GRIK2: variants seen among roughly 807,000 people sequenced by gnomAD.
GRIK2 encodes glutamate ionotropic receptor kainate type subunit 2.
GRIK2 carries 32 observed loss-of-function variants against 100.3 expected under a neutral mutation model. The observed-to-expected ratio is 0.32, with a 90% CI of 0.24 to 0.43. GRIK2 has a LOEUF of 0.43. GRIK2 is among the 20% of genes least tolerant of loss of function. GRIK2 has a pLI of 1.00. For missense variants in GRIK2, 843 were observed against 1,114.9 expected, an observed-to-expected ratio of 0.76 and a Z score of 3.47; for synonymous variants, 417 against 389.4, an observed-to-expected ratio of 1.07 and a Z score of -0.83.
chr6:101,614,657 G>C (rs1233188584), intron 2 of GRIK2, among the ~76,000 whole-genome samples: 1 of 151,684 alleles, frequency 6.6e-6, no homozygotes, highest in African/African-American at 2.4e-5. Context: ...TTAAAATGCA[G>C]AGGAACCTTT....
chr6:101,698,667 A>G (rs144546009), intron 7 of GRIK2, among the ~76,000 whole-genome samples: 16 of 152,164 alleles, frequency 1.1e-4, no homozygotes, highest in African/African-American at 3.6e-4. Flanking sequence ...ACTCTATGCA[A>G]TGTATGGTAT....
intron 7 of GRIK2, among the ~76,000 whole-genome samples, chr6:101,736,877 T>C (rs546735591): frequency 1.3e-5 from 2 of 152,362 alleles, no homozygotes; most frequent in South Asian, 4.1e-4. Context: ...TTTCAGACTT[T>C]TATGCTCTGC....
chr6:101,883,968 T>C (rs1304187475), intron 11 of GRIK2, among the ~76,000 whole-genome samples: 1 of 152,128 alleles, frequency 6.6e-6, no homozygotes, highest in East Asian at 1.9e-4. Flanking sequence ...GAAAGAACCT[T>C]CTGGAGTTAG....
intron 7 of GRIK2, among the ~76,000 whole-genome samples, chr6:101,696,873 T>C (rs1430140451): frequency 6.6e-6 from 1 of 152,036 alleles, no homozygotes; most frequent in Non-Finnish European, 1.5e-5. Context: ...TTACTTTAGA[T>C]GTGCAGCCAG....
intron 10 of GRIK2, among the ~76,000 whole-genome samples, chr6:101,853,208 T>C (rs1562439986): frequency 6.6e-6 from 1 of 152,216 alleles, no homozygotes; most frequent in Non-Finnish European, 1.5e-5. Context: ...TCTTATTTTG[T>C]TGCCTCTTTT....
intron 14 of GRIK2, 27 bp from the exon 15 acceptor site, chr6:102,035,314 T>G: frequency 7.3e-7 from 1 of 1,367,878 alleles, no homozygotes; most frequent in Non-Finnish European, 1.0e-6. Flanking sequence ...AACTTTCTCG[T>G]GACCAACTTA....
chr6:101,887,261 A>G (rs1786714770), intron 11 of GRIK2, among the ~76,000 whole-genome samples: 1 of 152,180 alleles, frequency 6.6e-6, no homozygotes, highest in Non-Finnish European at 1.5e-5. Flanking sequence ...GTCATTTCAC[A>G]ATGTATATGT....
chr6:101,860,729 A>T (rs1784687435), intron 11 of GRIK2, among the ~76,000 whole-genome samples: 1 of 152,142 alleles, frequency 6.6e-6, no homozygotes, highest in African/African-American at 2.4e-5. Flanking sequence ...TGTCTTCTTT[A>T]GGGAAAAAAG....
intron 14 of GRIK2, among the ~76,000 whole-genome samples, chr6:102,024,730 T>C (rs1769603600): frequency 6.6e-6 from 1 of 151,262 alleles, no homozygotes; most frequent in Non-Finnish European, 1.5e-5. Flanking sequence ...TTTAAAATTA[T>C]TTATGTAGAG....
At chr6:101,410,912 C>T (rs569968338) in intron 2 of GRIK2, among the ~76,000 whole-genome samples, 2 of 152,150 alleles carry the variant, frequency 1.3e-5, no homozygotes, top group African/African-American at 2.4e-5. Context: ...AAGATTTTTA[C>T]GTTTATCTGA....
intron 2 of GRIK2, among the ~76,000 whole-genome samples, chr6:101,504,455 A>AT: frequency 6.6e-6 from 1 of 151,960 alleles, no homozygotes; most frequent in African/African-American, 2.4e-5. Context: ...TTCAGATTGT[A>AT]TTTTTTAATC....
intron 2 of GRIK2, among the ~76,000 whole-genome samples, chr6:101,439,469 AT>A (rs1055641802): frequency 1.3e-5 from 2 of 152,120 alleles, no homozygotes; most frequent in African/African-American, 4.8e-5. Flanking sequence ...AAAATTATCT[AT>A]CCCCAGTCTT....
At chr6:101,889,601 C>CTTTCTTTTTTTTTTTTTTTTTTTT in intron 11 of GRIK2, 39 bp from the exon 12 acceptor site, 1 of 1,017,518 alleles carries the variant, frequency 9.8e-7, no homozygotes. Flanking sequence ...CTCTTTCTTT[C>CTTTCTTTTTTTTTTTTTTTTTTTT]TTTCTTTTTT....
intron 2 of GRIK2, among the ~76,000 whole-genome samples, chr6:101,510,782 A>G (rs1774274762): frequency 6.6e-6 from 1 of 151,720 alleles, no homozygotes; most frequent in Admixed American, 6.6e-5. Context: ...TCAGCCTCCC[A>G]AAGTGCTGGG....
intron 2 of GRIK2, among the ~76,000 whole-genome samples, chr6:101,562,496 G>A (rs1355244034): frequency 6.7e-6 from 1 of 150,250 alleles, no homozygotes; most frequent in Non-Finnish European, 1.5e-5. Context: ...GCACCACCAG[G>A]CCTGGCTAAT....
At chr6:101,868,941 T>C (rs1785218434) in intron 11 of GRIK2, among the ~76,000 whole-genome samples, 1 of 151,930 alleles carries the variant, frequency 6.6e-6, no homozygotes, top group Non-Finnish European at 1.5e-5. Flanking sequence ...ATACATTTTA[T>C]ATACTTTAGA....
intron 2 of GRIK2, among the ~76,000 whole-genome samples, chr6:101,530,164 C>A (rs951063527): frequency 1.3e-5 from 2 of 151,944 alleles, no homozygotes; most frequent in Admixed American, 6.6e-5. Flanking sequence ...TGGATAACTG[C>A]AACATGCTGG....
At chr6:101,617,084 A>G (rs1779925564) in intron 2 of GRIK2, among the ~76,000 whole-genome samples, 1 of 151,680 alleles carries the variant, frequency 6.6e-6, no homozygotes, top group Admixed American at 6.6e-5. Flanking sequence ...ACATTTAGTA[A>G]TATTGCCTTT....
At chr6:102,026,948 A>C (rs1562121422) in intron 14 of GRIK2, among the ~76,000 whole-genome samples, 1 of 151,228 alleles carries the variant, frequency 6.6e-6, no homozygotes, top group Non-Finnish European at 1.5e-5. Context: ...CTAGTGACCA[A>C]GGTCAGATGA....
Sources: allele counts gnomAD v4.1 joint callset (sites outside exome capture counted in the v4.1 genomes callset), GRCh38; gene constraint gnomAD v4.1.1; transcripts MANE v1.5; gene names NCBI Gene and HGNC (gene_info 2026-07-23, HGNC 2026-07-21).